The following CCDC152 variants were observed in gnomAD, a reference collection of about 807,000 sequenced individuals.
CCDC152 encodes the protein coiled-coil domain-containing protein 152.
Under a neutral mutation model 38.1 loss-of-function variants are expected in CCDC152, and 37 were observed. The observed-to-expected ratio is 0.97, with a 90% CI of 0.75 to 1.28. The LOEUF (loss-of-function observed/expected upper bound fraction) is 1.28. Among genes scored for constraint, CCDC152 ranks in the 50% most tolerant of loss-of-function variants. The pLI, the probability that CCDC152 is intolerant of heterozygous loss-of-function variation, is 0.00. For synonymous variants in CCDC152, 83 were observed against 87.1 expected (o/e 0.95, Z 0.26); for missense variants, 259 against 292.1 (o/e 0.89, Z 0.83).
chr5:42,768,422 G>T (rs773725017), intron 3 of CCDC152, among the ~76,000 whole-genome samples: 1 of 152,168 alleles, frequency 6.6e-6, no homozygotes, highest in South Asian at 2.1e-4. Context: ...TAGCCAAGTG[G>T]ATTTCTAAAG....
At chr5:42,772,663 A>AAAC (rs2111954499) in intron 4 of CCDC152, among the ~76,000 whole-genome samples, 1 of 152,190 alleles carries the variant, frequency 6.6e-6, no homozygotes, top group African/African-American at 2.4e-5. Context: ...AAAAAAAAAA[A>AAAC]AAATAGCCAT....
intron 4 of CCDC152, among the ~76,000 whole-genome samples, chr5:42,771,900 A>G (rs1759703608): frequency 6.6e-6 from 1 of 152,210 alleles, no homozygotes; most frequent in African/African-American, 2.4e-5. Context: ...ACACTTCCAA[A>G]CTCATCCTAT....
At chr5:42,777,467 T>TTA (rs1554044372) in intron 4 of CCDC152, among the ~76,000 whole-genome samples, 2 of 134,820 alleles carry the variant, frequency 1.5e-5, no homozygotes, top group Non-Finnish European at 3.1e-5. Context: ...CATCTCAATA[T>TTA]AAAAAAAAAA....
chr5:42,787,048 C>T (rs1759930021), intron 6 of CCDC152, among the ~76,000 whole-genome samples: 2 of 151,840 alleles, frequency 1.3e-5, no homozygotes, highest in Non-Finnish European at 2.9e-5. Context: ...ATTATTGAGA[C>T]TTGTTTTATG....
intron 1 of CCDC152, among the ~76,000 whole-genome samples, chr5:42,757,427 C>A (rs1403759210): frequency 6.6e-6 from 1 of 152,174 alleles, no homozygotes; most frequent in Non-Finnish European, 1.5e-5. Context: ...TGTCACGCTC[C>A]TGTGGGGATG....
chr5:42,774,870 C>G (rs1759750866), intron 4 of CCDC152, among the ~76,000 whole-genome samples: 1 of 152,064 alleles, frequency 6.6e-6, no homozygotes. Context: ...AGTTAATATG[C>G]TAAAGGCTCT....
chr5:42,801,085 G>T lies in CCDC152; in HGVS notation c.*1304G>T, dbSNP rs756131447. 3.0e-5 allele frequency: 49 copies of T among 1,613,962 alleles called. No individual in the cohort carries two copies. The Admixed American group carries it at 7.8e-4, about 26-fold the overall frequency. ...AAATCTTCACTTGCTGGCATATCTC[G>T]GTTCTCTGGGTGACCCTGCCTATGC... On this transcript the variant is annotated 3_prime_UTR_variant, in exon 9 of 9. Coordinates refer to ENST00000361970, the MANE Select transcript of CCDC152 (RefSeq NM_001134848.2).
In CCDC152 at chr5:42,798,499, A is replaced by G. The variant is rs374821902; in HGVS notation, c.559-876A>G. ...CATCTGACCAAGTGTACCACAAACCACAGGAAAGGCTGAATGGCCAACTGA... is the reference window on the plus strand; with the variant it reads ...CATCTGACCAAGTGTACCACAAACCGCAGGAAAGGCTGAATGGCCAACTGA... On this transcript the variant is annotated intron_variant, in intron 7 of 8. Transcript: ENST00000361970. Among the ~76,000 whole-genome samples the G allele has an allele frequency of 1.2e-3, 181 of 152,272 alleles. 1 individual carries two copies. The highest frequency in any genetic ancestry group is 4.2e-3 in the African/African-American group (173 of 41,556).
At chr5:42,763,847 G>C (rs1759588816) in intron 3 of CCDC152, among the ~76,000 whole-genome samples, 1 of 152,110 alleles carries the variant, frequency 6.6e-6, no homozygotes, top group Non-Finnish European at 1.5e-5. Context: ...AGAAAAACTA[G>C]AAGAGAAATG....
chr5:42,757,898 G>T (rs1238183735), intron 1 of CCDC152, among the ~76,000 whole-genome samples: 1 of 152,064 alleles, frequency 6.6e-6, no homozygotes, highest in Non-Finnish European at 1.5e-5. Flanking sequence ...AAAGGTGGGG[G>T]TGGAGGGAGT....
At chr5:42,772,103 T>C (rs2111953474) in intron 4 of CCDC152, among the ~76,000 whole-genome samples, 2 of 152,356 alleles carry the variant, frequency 1.3e-5, no homozygotes, top group South Asian at 2.1e-4. Flanking sequence ...AGTATGGTTC[T>C]GTATACACAG....
In CCDC152 at chr5:42,800,898, T is replaced by C; in HGVS notation, c.*1117T>C. ...CTGTCAGCTACATAAAGATGGGAGG[T>C]TTTCTTTACACTGTCAGGTGATTGC... On this transcript the variant is annotated 3_prime_UTR_variant, in exon 9 of 9. Transcript: ENST00000361970. 6.2e-7 allele frequency: 1 copy of C among 1,614,098 alleles called. No individual in the cohort carries two copies. Among genetic ancestry groups the C allele is most frequent in the East Asian group, 2.2e-5 (1 of 44,882 alleles).
chr5:42,784,635 T>C (rs1239671648), intron 6 of CCDC152, among the ~76,000 whole-genome samples: 5 of 152,194 alleles, frequency 3.3e-5, no homozygotes, highest in South Asian at 2.1e-4. Context: ...TTGTTTTTGA[T>C]GCATTTGCTT....
chr5:42,779,359 G>A, intron 4 of CCDC152, 99 bp from the exon 5 acceptor site: 5 of 710,718 alleles, frequency 7.0e-6, no homozygotes, highest in Non-Finnish European at 9.9e-6. Context: ...ATGCATGTTT[G>A]TTGAATGCAT....
At chr5:42,791,184 A>T (rs1342075987) in intron 6 of CCDC152, among the ~76,000 whole-genome samples, 1 of 152,110 alleles carries the variant, frequency 6.6e-6, no homozygotes, top group Non-Finnish European at 1.5e-5. Context: ...TCCATTTTTT[A>T]TTTTTTTAAA....
Position 42,799,886 on chromosome 5 carries a change from T to C in CCDC152, c.*105T>C. The C allele has an allele frequency of 8.0e-7, 1 of 1,246,356 alleles. No individual in the cohort carries two copies. The highest frequency in any genetic ancestry group is 1.1e-6 in the Non-Finnish European group (1 of 895,054). 77.2% of individuals were successfully genotyped at this position (1,246,356 alleles called of 1,614,324 possible). ...GCCTACATAACAAACGAAGTCAGCT[T>C]TAAGGTTTTTATTGAATTTATTTGG... is the stretch of plus-strand genomic sequence containing the variant. On this transcript the variant is annotated 3_prime_UTR_variant, in exon 9 of 9. Coordinates refer to ENST00000361970, the MANE Select transcript of CCDC152 (RefSeq NM_001134848.2).
At chr5:42,769,227 G>A (rs546455205) in intron 3 of CCDC152, among the ~76,000 whole-genome samples, 30 of 150,974 alleles carry the variant, frequency 2.0e-4, no homozygotes, top group Non-Finnish European at 3.2e-4. Flanking sequence ...CAGCCTGGAC[G>A]ACAGGGCAAG....
Position 42,769,594 on chromosome 5 carries a change from C to A in CCDC152, c.194-3C>A. On this transcript the variant is annotated splice_polypyrimidine_tract_variant and splice_region_variant and intron_variant, in intron 3 of 8. Transcript: ENST00000361970. Reference sequence around the variant, plus strand: ...TAAAATAAATTTATCTTTTATATTTCAGAATGTGCTACTCTTCATAATATA... The same window carrying A: ...TAAAATAAATTTATCTTTTATATTTAAGAATGTGCTACTCTTCATAATATA... 1 of 1,467,982 alleles carries A rather than the reference C, an allele frequency of 6.8e-7. No individual in the cohort carries two copies. Among genetic ancestry groups the A allele is most frequent in the Admixed American group, 2.8e-5 (1 of 35,558 alleles). 90.9% of individuals were successfully genotyped at this position (1,467,982 alleles called of 1,614,324 possible). A position where few individuals can be genotyped will look rare whatever the true frequency, so the allele number is the denominator to read the frequency against.
At chr5:42,786,318 C>G (rs1212470237) in intron 6 of CCDC152, among the ~76,000 whole-genome samples, 2 of 151,688 alleles carry the variant, frequency 1.3e-5, no homozygotes, top group Non-Finnish European at 2.9e-5. Context: ...CATTAATGGC[C>G]CATTTAGAAT....
Sources: gnomAD v4.1 joint callset for allele counts (sites outside exome capture counted in the v4.1 genomes callset) on GRCh38, gnomAD v4.1.1 for gene constraint, MANE v1.5 for transcripts, NCBI Gene and HGNC (gene_info 2026-07-23, HGNC 2026-07-21) for gene names.